Variants in VRK1 observed in about 807,000 individuals in gnomAD.
VRK1 encodes serine/threonine-protein kinase VRK1.
A neutral mutation model predicts 57.1 loss-of-function variants in VRK1; 33 were observed. That is an observed-to-expected ratio of 0.58 (90% confidence interval 0.44 to 0.77). The LOEUF (loss-of-function observed/expected upper bound fraction) is 0.77, where lower values mean the gene tolerates loss of function less well. VRK1 is among the 30% of genes least tolerant of loss of function. VRK1 has a pLI of 0.00. For missense variants in VRK1, 413 were observed against 477.3 expected, an observed-to-expected ratio of 0.87 and a Z score of 1.25; for synonymous variants, 137 against 147.8, an observed-to-expected ratio of 0.93 and a Z score of 0.53.
chr14:96,849,864 C>A (rs548479766), intron 5 of VRK1, among the ~76,000 whole-genome samples: 20 of 152,224 alleles, frequency 1.3e-4, no homozygotes, highest in African/African-American at 4.6e-4. Flanking sequence ...AAGTTCAGAA[C>A]CAGTTAAACA....
At chr14:96,858,052 TG>T (rs1319616045) in intron 10 of VRK1, among the ~76,000 whole-genome samples, 6 of 152,102 alleles carry the variant, frequency 3.9e-5, no homozygotes, top group Admixed American at 2.6e-4. Context: ...CATTATCGCA[TG>T]TTTTTTTTTG....
chr14:96,872,874 CAAAT>C (rs1408390578), intron 11 of VRK1, among the ~76,000 whole-genome samples: 3 of 152,084 alleles, frequency 2.0e-5, no homozygotes, highest in Admixed American at 6.5e-5. Context: ...ATAATTTAAT[CAAAT>C]AAATAAAATA....
intron 1 of VRK1, among the ~76,000 whole-genome samples, chr14:96,818,960 A>G (rs1048571878): frequency 2.0e-5 from 3 of 152,216 alleles, no homozygotes; most frequent in Non-Finnish European, 2.9e-5. Context: ...CTTAGCACTA[A>G]TCAAATGCAT....
intron 3 of VRK1, among the ~76,000 whole-genome samples, chr14:96,844,690 C>T (rs1464131825): frequency 3.9e-5 from 6 of 152,074 alleles, no homozygotes; most frequent in South Asian, 4.2e-4. Flanking sequence ...TACAGGTACT[C>T]GCCACCATGC....
chr14:96,800,766 A>G (rs970613780), intron 1 of VRK1, among the ~76,000 whole-genome samples: 2 of 152,156 alleles, frequency 1.3e-5, no homozygotes, highest in African/African-American at 4.8e-5. Context: ...TCACACTGGC[A>G]AATATTTAAG....
chr14:96,877,494 G>C (rs1004822923), intron 12 of VRK1: 8 of 1,289,084 alleles, frequency 6.2e-6, no homozygotes, highest in Middle Eastern at 2.1e-4. Context: ...TGTTCATTTT[G>C]TTATTAGGAA....
intron 3 of VRK1, among the ~76,000 whole-genome samples, chr14:96,843,383 G>A (rs542784962): frequency 2.6e-5 from 4 of 152,176 alleles, no homozygotes; most frequent in East Asian, 1.9e-4. Flanking sequence ...GAACTGATAA[G>A]AATCTGTATT....
intron 2 of VRK1, among the ~76,000 whole-genome samples, chr14:96,834,667 A>G (rs775342976): frequency 1.3e-5 from 2 of 152,286 alleles, no homozygotes; most frequent in South Asian, 2.1e-4. Flanking sequence ...GTGCTTTATC[A>G]TATTTTATGC....
intron 1 of VRK1, among the ~76,000 whole-genome samples, chr14:96,805,764 AG>A (rs1885847968): frequency 6.6e-6 from 1 of 152,208 alleles, no homozygotes; most frequent in Admixed American, 6.5e-5. Flanking sequence ...TTACAGTGTA[AG>A]AGGTTACCAT....
chr14:96,843,992 A>C (rs1421910251), intron 3 of VRK1, among the ~76,000 whole-genome samples: 2 of 152,236 alleles, frequency 1.3e-5, no homozygotes, highest in Non-Finnish European at 2.9e-5. Context: ...TTGATATGAC[A>C]TAGGTTGAAA....
intron 1 of VRK1, among the ~76,000 whole-genome samples, chr14:96,823,787 C>T (rs183436420): frequency 9.8e-5 from 15 of 152,324 alleles, no homozygotes; most frequent in African/African-American, 3.1e-4. Context: ...TCCCTCCCTC[C>T]AGCCTCTGGC....
intron 11 of VRK1, among the ~76,000 whole-genome samples, chr14:96,869,203 A>G (rs995202645): frequency 6.6e-6 from 1 of 152,240 alleles, no homozygotes; most frequent in African/African-American, 2.4e-5. Context: ...AAGTGCTTAG[A>G]GCAGTGGCAG....
intron 8 of VRK1, 81 bp downstream of exon 8, chr14:96,855,437 G>A: frequency 1.3e-6 from 2 of 1,599,560 alleles, no homozygotes; most frequent in Non-Finnish European, 1.7e-6. Context: ...TTATGCATAA[G>A]TAAATGAATA....
intron 10 of VRK1, among the ~76,000 whole-genome samples, chr14:96,858,733 A>T (rs549512707): frequency 6.6e-6 from 1 of 151,882 alleles, no homozygotes; most frequent in East Asian, 1.9e-4. Context: ...TCTTTTTTCA[A>T]TTGTCCTTTT....
chr14:96,817,522 A>G (rs1886440551), intron 1 of VRK1, among the ~76,000 whole-genome samples: 1 of 152,120 alleles, frequency 6.6e-6, no homozygotes. Flanking sequence ...TAATGACCAC[A>G]GTACACTTCT....
At chr14:96,850,540 G>A (rs1485634035) in intron 5 of VRK1, among the ~76,000 whole-genome samples, 2 of 152,148 alleles carry the variant, frequency 1.3e-5, no homozygotes, top group African/African-American at 4.8e-5. Flanking sequence ...TATGATTTAG[G>A]TATGGTGACA....
intron 1 of VRK1, among the ~76,000 whole-genome samples, chr14:96,831,315 A>G (rs919853483): frequency 1.3e-5 from 2 of 152,158 alleles, no homozygotes; most frequent in African/African-American, 4.8e-5. Context: ...GAGTTTTGCT[A>G]TCCAGTTGTC....
intron 1 of VRK1, among the ~76,000 whole-genome samples, chr14:96,832,639 G>A (rs1040935015): frequency 3.3e-5 from 5 of 152,112 alleles, no homozygotes; most frequent in Non-Finnish European, 7.4e-5. Flanking sequence ...ATAAAACACT[G>A]CTTTCTCTGA....
chr14:96,874,907 A>C (rs1307101453), intron 11 of VRK1, among the ~76,000 whole-genome samples: 1 of 152,230 alleles, frequency 6.6e-6, no homozygotes, highest in East Asian at 1.9e-4. Flanking sequence ...CTGTACACAA[A>C]ATGGCCTGCA....
Sources: allele counts gnomAD v4.1 joint callset (sites outside exome capture counted in the v4.1 genomes callset), GRCh38; gene constraint gnomAD v4.1.1; transcripts MANE v1.5; gene names NCBI Gene and HGNC (gene_info 2026-07-23, HGNC 2026-07-21).